IL17C: variants seen among roughly 807,000 people sequenced by gnomAD.
IL17C encodes interleukin 17C, also known as interleukin-17C.
IL17C carries 13 observed loss-of-function variants against 11.0 expected under a neutral mutation model. The ratio of observed to expected loss-of-function variants is 1.18; its 90% CI spans 0.77 to 1.88. The LOEUF (loss-of-function observed/expected upper bound fraction) is 1.88, where lower values mean the gene tolerates loss of function less well. Among genes scored for constraint, IL17C ranks in the 40% most tolerant of loss-of-function variants. IL17C has a pLI of 0.00. For missense variants in IL17C, 357 were observed against 278.2 expected (o/e 1.28, Z -2.01); for synonymous variants, 150 against 125.8 (o/e 1.19, Z -1.29).
Position 88,639,107 on chromosome 16 carries a change from G to A in IL17C, c.133G>A (p.Gly45Ser), listed in dbSNP as rs372152219. 3.4e-5 allele frequency: 55 copies of A among 1,612,988 alleles called. No individual in the cohort carries two copies. The highest frequency in any genetic ancestry group is 1.0e-4 in the Admixed American group (6 of 59,990). The change falls in exon 2 of 3, where the codon GGC becomes AGC. Residue 45 changes from glycine to serine, a missense_variant. Coordinates refer to ENST00000244241, the MANE Select transcript of IL17C (RefSeq NM_013278.4). The surrounding 1 kb of genome is among the most constrained non-coding windows in gnomAD (Gnocchi z 5.1). The part of the protein sequence containing the change: ...HCYSAEELPL[G>S]QAPPHLLARG... ...CTACTCGGCTGAGGAACTGCCCCTC[G>A]GCCAGGCCCCCCCACACCTGCTGGC...
chr16:88,638,843 T>A, intron 1 of IL17C, 138 bp from the exon 2 acceptor site: 1 of 1,146,078 alleles, frequency 8.7e-7, no homozygotes, highest in Middle Eastern at 2.0e-4. Context: ...AGGGCTAGCC[T>A]CTCTGGGCTT....
At position 88,639,204 on chromosome 16, in the gene IL17C, G is replaced by A; in HGVS notation, c.230G>A (p.Gly77Glu). The part of the protein sequence containing the change: ...VSSLEAASHR[G>E]RHERPSATTQ... ...AGCCTGGAGGCAGCAAGCCACAGGG[G>A]GAGGCACGAGAGGCCCTCAGCTACG... is the stretch of plus-strand genomic sequence containing the variant. The change falls in exon 2 of 3, where the codon GGG (glycine) becomes GAG (glutamate). Residue 77 changes from glycine to glutamate, a missense_variant. Transcript: ENST00000244241. The surrounding 1 kb of genome is among the most constrained non-coding windows in gnomAD (Gnocchi z 5.1). The A allele has an allele frequency of 6.2e-7, 1 of 1,612,798 alleles. No homozygotes were observed. Among genetic ancestry groups the A allele is most frequent in the Non-Finnish European group, 8.5e-7 (1 of 1,179,882 alleles).
Position 88,639,545 on chromosome 16 carries a change from G to A in IL17C, c.335+236G>A, listed in dbSNP as rs869410. Among the ~76,000 whole-genome samples, 202 of 152,266 alleles carry A rather than the reference G, an allele frequency of 1.3e-3. 5 individuals are homozygous for A. The East Asian group carries it at 0.027, about 21-fold the overall frequency. On this transcript the variant is annotated intron_variant, in intron 2 of 2. Transcript: ENST00000244241. This position sits in a 1 kb window ranked among gnomAD's most constrained non-coding sequence, Gnocchi z 5.1. ...GGTCCCCTGGGGAAATTCTGGGCCCGTCACCTGAGCTCCTGCAGAAGTGGG... is the reference window on the plus strand; with the variant it reads ...GGTCCCCTGGGGAAATTCTGGGCCCATCACCTGAGCTCCTGCAGAAGTGGG...
In IL17C at chr16:88,639,211, C is replaced by A. The variant is rs546612511; in HGVS notation, c.237C>A (p.His79Gln). 6.2e-7 allele frequency: 1 copy of A among 1,612,752 alleles called. No individual in the cohort carries two copies. The highest frequency in any genetic ancestry group is 8.5e-7 in the Non-Finnish European group (1 of 1,179,864). ...AGGCAGCAAGCCACAGGGGGAGGCA[C>A]GAGAGGCCCTCAGCTACGACCCAGT... The part of the protein sequence containing the change: ...SLEAASHRGR[H>Q]ERPSATTQCP... The change falls in exon 2 of 3, where the codon CAC becomes CAA. Residue 79 changes from histidine (H) to glutamine (Q), a missense_variant. Physicochemically the swap from His to Gln is conservative, Grantham distance 24. Transcript: ENST00000244241. This position sits in a 1 kb window ranked among gnomAD's most constrained non-coding sequence, Gnocchi z 5.1.
Position 88,639,595 on chromosome 16 carries a change from G to T in IL17C, c.336-219G>T, listed in dbSNP as rs11465494. Among the ~76,000 whole-genome samples, 1,574 of 152,266 alleles carry T rather than the reference G, an allele frequency of 0.01. 15 individuals are homozygous for T. Among genetic ancestry groups the T allele is most frequent in the Middle Eastern group, 0.02 (6 of 294 alleles). The stretch of plus-strand genomic sequence containing the variant: ...GGCTGGGTGATGAAGTGGAAGGGAG[G>T]CTCCTAGAGGCCTCCGGACCCTGCT... On this transcript the variant is annotated intron_variant, in intron 2 of 2. Transcript: ENST00000244241. The surrounding 1 kb of genome is among the most constrained non-coding windows in gnomAD (Gnocchi z 5.1).
Position 88,639,189 on chromosome 16 carries a change from C to T in IL17C, c.215C>T (p.Ala72Val). Residue 72 changes from alanine to valine, a missense_variant, in exon 2 of 3, where the codon GCA (alanine) becomes GTA (valine). Ala to Val is a moderately conservative substitution (Grantham distance 64). Coordinates refer to ENST00000244241, the MANE Select transcript of IL17C (RefSeq NM_013278.4). The surrounding 1 kb of genome is among the most constrained non-coding windows in gnomAD (Gnocchi z 5.1). The stretch of plus-strand genomic sequence containing the variant: ...GTAGCCCTGGTGTCCAGCCTGGAGG[C>T]AGCAAGCCACAGGGGGAGGCACGAG... ...LPVALVSSLE[A>V]ASHRGRHERP... The T allele has an allele frequency of 1.2e-6, 2 of 1,612,824 alleles. No homozygotes were observed. Among genetic ancestry groups the T allele is most frequent in the Middle Eastern group, 1.7e-4 (1 of 6,056 alleles).
chr16:88,640,031 G>C lies in IL17C; in HGVS notation c.553G>C (p.Val185Leu), dbSNP rs368950769. The C allele has an allele frequency of 6.3e-7, 1 of 1,592,520 alleles. No homozygotes were observed. The highest frequency in any genetic ancestry group is 1.3e-5 in the African/African-American group (1 of 74,638). The change falls in exon 3 of 3, where the codon GTC (valine) becomes CTC (leucine). Residue 185 changes from valine (V) to leucine (L), a missense_variant. Val to Leu is a conservative substitution (Grantham distance 32). Coordinates refer to ENST00000244241, the MANE Select transcript of IL17C (RefSeq NM_013278.4). ...TGCCTTCCACACCGAGTTCATCCAC[G>C]TCCCCGTCGGCTGCACCTGCGTGCT... ...AFAFHTEFIH[V>L]PVGCTCVLPR...
chr16:88,639,884 G>A lies in IL17C; in HGVS notation c.406G>A (p.Asp136Asn), dbSNP rs760585575. ...FAECLCRGCI[D>N]ARTGRETAAL... ...CGAGTGCCTGTGCAGAGGCTGTATC[G>A]ATGCACGGACGGGCCGCGAGACAGC... Residue 136 changes from aspartate to asparagine, a missense_variant, in exon 3 of 3, where the codon GAT becomes AAT. By Grantham distance (23) the Asp-to-Asn change is conservative (BLOSUM62 1). Transcript: ENST00000244241. The surrounding 1 kb of genome is among the most constrained non-coding windows in gnomAD (Gnocchi z 5.1). 4.0e-5 allele frequency: 65 copies of A among 1,607,204 alleles called. No individual in the cohort carries two copies. The highest frequency in any genetic ancestry group is 4.9e-5 in the Non-Finnish European group (58 of 1,178,140).
At position 88,638,775 on chromosome 16, in the gene IL17C, G is replaced by A. The variant is rs1029244655; in HGVS notation, c.6+128G>A. On this transcript the variant is annotated intron_variant, in intron 1 of 2. Coordinates refer to ENST00000244241, the MANE Select transcript of IL17C (RefSeq NM_013278.4). Reference sequence around the variant, plus strand: ...GGTCTGGGAAACCCCTCAGTCTGGGGGTAGGGGAGGCAGCTGCAGATCCTC... The same window carrying A: ...GGTCTGGGAAACCCCTCAGTCTGGGAGTAGGGGAGGCAGCTGCAGATCCTC... 4.9e-6 allele frequency: 7 copies of A among 1,441,742 alleles called. No individual in the cohort carries two copies. The African/African-American group carries it at 5.6e-5, about 12-fold the overall frequency. 89.3% of individuals were successfully genotyped at this position (1,441,742 alleles called of 1,614,324 possible). A position where few individuals can be genotyped will look rare whatever the true frequency, so the allele number is the denominator to read the frequency against.
Position 88,639,007 on chromosome 16 carries a change from C to G in IL17C, c.33C>G (p.Thr11=). The G allele has an allele frequency of 6.3e-7, 1 of 1,585,788 alleles. No individual in the cohort carries two copies. The highest frequency in any genetic ancestry group is 2.2e-5 in the East Asian group (1 of 44,478). ...TCCTCCCCGGCCTCCTGTTTCTGAC[C>G]TGGCTGCACACATGCCTGGCCCACC... MTLLPGLLFL[T]WLHTCLAHHD... Residue 11 remains threonine (T), a synonymous_variant, in exon 2 of 3, where the codon ACC becomes ACG. Transcript: ENST00000244241. The surrounding 1 kb of genome is among the most constrained non-coding windows in gnomAD (Gnocchi z 5.1).
rs746602041 is a variant in IL17C at position 88,639,244 on chromosome 16, G to A, written c.270G>A (p.Val90=). The A allele has an allele frequency of 1.9e-5, 30 of 1,612,236 alleles. No homozygotes were observed. The highest frequency in any genetic ancestry group is 2.3e-5 in the Non-Finnish European group (27 of 1,179,736). The change falls in exon 2 of 3, where the codon GTG becomes GTA. Residue 90 remains valine, a synonymous_variant. Coordinates refer to ENST00000244241, the MANE Select transcript of IL17C (RefSeq NM_013278.4). The surrounding 1 kb of genome is among the most constrained non-coding windows in gnomAD (Gnocchi z 5.1). ...ERPSATTQCP[V]LRPEEVLEAD... is the part of the protein sequence containing the mutation. ...CCTCAGCTACGACCCAGTGCCCGGT[G>A]CTGCGGCCGGAGGAGGTGTTGGAGG... is the stretch of plus-strand genomic sequence containing the variant.
In IL17C at chr16:88,639,974, G is replaced by A. The variant is rs778007805; in HGVS notation, c.496G>A (p.Asp166Asn). The A allele has an allele frequency of 5.6e-5, 90 of 1,609,744 alleles. No individual in the cohort carries two copies. The highest frequency in any genetic ancestry group is 1.7e-4 in the Middle Eastern group (1 of 6,058). The change falls in exon 3 of 3, where the codon GAC (aspartate) becomes AAC (asparagine). Residue 166 changes from aspartate (D) to asparagine (N), a missense_variant. Physicochemically the swap from Asp to Asn is conservative, Grantham distance 23 (BLOSUM62 1). Coordinates refer to ENST00000244241, the MANE Select transcript of IL17C (RefSeq NM_013278.4). The surrounding 1 kb of genome is among the most constrained non-coding windows in gnomAD (Gnocchi z 5.1). ...LVLRRRPCSRDGSGLPTPGAF... is the reference protein window; with the variant it reads ...LVLRRRPCSRNGSGLPTPGAF... Reference sequence around the variant, plus strand: ...GCTGCGCCGCCGGCCCTGCTCCCGCGACGGCTCGGGGCTCCCCACACCTGG... The same window carrying A: ...GCTGCGCCGCCGGCCCTGCTCCCGCAACGGCTCGGGGCTCCCCACACCTGG...
At position 88,639,301 on chromosome 16, in the gene IL17C, G is replaced by T. The variant is rs750185077; in HGVS notation, c.327G>T (p.Trp109Cys). Reference sequence around the variant, plus strand: ...CCCACCAGCGCTCCATCTCACCCTGGAGATACCGGTGAGGACCTGGGGATT... The same window carrying T: ...CCCACCAGCGCTCCATCTCACCCTGTAGATACCGGTGAGGACCTGGGGATT... Reference protein sequence around the residue: ...ADTHQRSISPWRYRVDTDEDR... With the variant: ...ADTHQRSISPCRYRVDTDEDR... Residue 109 changes from tryptophan to cysteine, a missense_variant, in exon 2 of 3, where the codon TGG (tryptophan) becomes TGT (cysteine). Physicochemically the swap from Trp to Cys is radical, Grantham distance 215 (BLOSUM62 -2). Coordinates refer to ENST00000244241, the MANE Select transcript of IL17C (RefSeq NM_013278.4). The surrounding 1 kb of genome is among the most constrained non-coding windows in gnomAD (Gnocchi z 5.1). 1.3e-6 allele frequency: 2 copies of T among 1,597,012 alleles called. No homozygotes were observed. Among genetic ancestry groups the T allele is most frequent in the East Asian group, 2.2e-5 (1 of 44,656 alleles).
intron 1 of IL17C, 132 bp from the exon 2 acceptor site, chr16:88,638,849 G>T: frequency 8.6e-7 from 1 of 1,159,700 alleles, no homozygotes; most frequent in Non-Finnish European, 1.3e-6. Context: ...AGCCTCTCTG[G>T]GCTTCAGTTT....
Position 88,639,435 on chromosome 16 carries a change from C to T in IL17C, c.335+126C>T. ...CAAGTGGGCGTGGCCACCTGAGCTC[C>T]CTCCCTCCGGCCCTCCTGACCTGGA... On this transcript the variant is annotated intron_variant, in intron 2 of 2. Coordinates refer to ENST00000244241, the MANE Select transcript of IL17C (RefSeq NM_013278.4). The surrounding 1 kb of genome is among the most constrained non-coding windows in gnomAD (Gnocchi z 5.1). 1 of 953,130 alleles carries T rather than the reference C, an allele frequency of 1.0e-6. No individual in the cohort carries two copies. The highest frequency in any genetic ancestry group is 1.5e-6 in the Non-Finnish European group (1 of 661,446). The allele number at this position is 953,130 out of a possible 1,614,324, so 59.0% of individuals were successfully genotyped here. A position where few individuals can be genotyped will look rare whatever the true frequency, so the allele number is the denominator to read the frequency against.
chr16:88,638,840 G>C, intron 1 of IL17C, 141 bp from the exon 2 acceptor site: 1 of 1,144,088 alleles, frequency 8.7e-7, no homozygotes, highest in East Asian at 2.4e-5. Flanking sequence ...TGAAGGGCTA[G>C]CCTCTCTGGG....
chr16:88,639,513 T>C lies in IL17C; in HGVS notation c.335+204T>C, dbSNP rs1906996029. On this transcript the variant is annotated intron_variant, in intron 2 of 2. Transcript: ENST00000244241. The surrounding 1 kb of genome is among the most constrained non-coding windows in gnomAD (Gnocchi z 5.1). ...GTGCCCTGCCTCCCACTGTCCTAGG[T>C]GGCCAGGGTCCCCTGGGGAAATTCT... 6.6e-6 allele frequency among the ~76,000 whole-genome samples: 1 copy of C among 152,058 alleles called. No individual in the cohort carries two copies. Among genetic ancestry groups the C allele is most frequent in the Admixed American group, 6.5e-5 (1 of 15,278 alleles).
chr16:88,639,120 C>A lies in IL17C; in HGVS notation c.146C>A (p.Pro49Gln), dbSNP rs367662184. The A allele has an allele frequency of 3.2e-5, 52 of 1,613,040 alleles. No homozygotes were observed. Among genetic ancestry groups the A allele is most frequent in the Admixed American group, 5.0e-5 (3 of 59,996 alleles). The change falls in exon 2 of 3, where the codon CCA becomes CAA. Residue 49 changes from proline to glutamine, a missense_variant. Pro to Gln is a moderately conservative substitution (Grantham distance 76). Coordinates refer to ENST00000244241, the MANE Select transcript of IL17C (RefSeq NM_013278.4). This position sits in a 1 kb window ranked among gnomAD's most constrained non-coding sequence, Gnocchi z 5.1. Reference sequence around the variant, plus strand: ...GAACTGCCCCTCGGCCAGGCCCCCCCACACCTGCTGGCTCGAGGTGCCAAG... The same window carrying A: ...GAACTGCCCCTCGGCCAGGCCCCCCAACACCTGCTGGCTCGAGGTGCCAAG... ...AEELPLGQAP[P>Q]HLLARGAKWG...
In IL17C at chr16:88,639,051, G is replaced by C. The variant is rs765866001; in HGVS notation, c.77G>C (p.Gly26Ala). 6.2e-7 allele frequency: 1 copy of C among 1,610,438 alleles called. No individual in the cohort carries two copies. Among genetic ancestry groups the C allele is most frequent in the Non-Finnish European group, 8.5e-7 (1 of 1,178,100 alleles). ...GCCCACCATGACCCCTCCCTCAGGG[G>C]GCACCCCCACAGTCACGGTACCCCA... ...CLAHHDPSLR[G>A]HPHSHGTPHC... Residue 26 changes from glycine to alanine, a missense_variant, in exon 2 of 3, where the codon GGG (glycine) becomes GCG (alanine). By Grantham distance (60) the Gly-to-Ala change is moderately conservative. Transcript: ENST00000244241. The surrounding 1 kb of genome is among the most constrained non-coding windows in gnomAD (Gnocchi z 5.1).
Sources: allele counts gnomAD v4.1 joint callset (sites outside exome capture counted in the v4.1 genomes callset), GRCh38; gene constraint gnomAD v4.1.1; non-coding constraint Gnocchi (gnomAD v3.1); transcripts MANE v1.5; gene names NCBI Gene and HGNC (gene_info 2026-07-23, HGNC 2026-07-21).